The following GPR37 variants were observed in gnomAD, a reference collection of about 807,000 sequenced individuals.
GPR37 encodes the protein G protein-coupled receptor 37.
Under a neutral mutation model 43.6 loss-of-function variants are expected in GPR37, and 20 were observed. The ratio of observed to expected loss-of-function variants is 0.46; its 90% confidence interval spans 0.32 to 0.67. GPR37 has a LOEUF of 0.67. Among genes scored for constraint, GPR37 ranks in the 30% least tolerant of loss-of-function variants. The pLI, the probability that GPR37 is intolerant of heterozygous loss-of-function variation, is 0.03. For synonymous variants in GPR37, 315 were observed against 322.6 expected (o/e 0.98, Z 0.25); for missense variants, 724 against 797.2 (o/e 0.91, Z 1.11).
chr7:124,765,010 C>T lies in GPR37; in HGVS notation c.-34G>A. The T allele has an allele frequency of 7.0e-7, 1 of 1,431,306 alleles. No individual in the cohort carries two copies. Among genetic ancestry groups the T allele is most frequent in the East Asian group, 2.6e-5 (1 of 38,732 alleles). 88.7% of individuals were successfully genotyped at this position (1,431,306 alleles called of 1,614,324 possible). ...GAGGGCACACCCGGCAGCCGCAGCT[C>T]CTGCTTAGTTAGGATCGACACCTGC... On this transcript the variant is annotated 5_prime_UTR_variant, in exon 1 of 2. Transcript: ENST00000303921.
rs146703091 is a variant in GPR37 at position 124,755,309 on chromosome 7, A to G, written c.1024-7966T>C. Reference sequence around the variant, plus strand: ...CTATTCCATTTACATGTGATTCCCAATGCCGTGGGGGAAAAATATTTTGAA... The same window carrying G: ...CTATTCCATTTACATGTGATTCCCAGTGCCGTGGGGGAAAAATATTTTGAA... On this transcript the variant is annotated intron_variant, in intron 1 of 1. Transcript: ENST00000303921. Among the ~76,000 whole-genome samples, 139 of 152,256 alleles carry G rather than the reference A, an allele frequency of 9.1e-4. 1 individual carries two copies. The highest frequency in any genetic ancestry group is 3.1e-3 in the African/African-American group (127 of 41,570).
Position 124,765,236 on chromosome 7 carries a change from G to A in GPR37, c.-260C>T, listed in dbSNP as rs1793906942. On this transcript the variant is annotated 5_prime_UTR_variant, in exon 1 of 2. Coordinates refer to ENST00000303921, the MANE Select transcript of GPR37 (RefSeq NM_005302.5). ...CAAGGTATGCCCTCCAAGGTTCCTA[G>A]AGGGAATAGGCTACTCCCGGTGGCT... 2.4e-6 allele frequency: 1 copy of A among 417,012 alleles called. No homozygotes were observed. Among genetic ancestry groups the A allele is most frequent in the South Asian group, 7.8e-5 (1 of 12,892 alleles). The allele number at this position is 417,012 out of a possible 1,614,324, so 25.8% of individuals were successfully genotyped here.
In GPR37 at chr7:124,745,423, TGGA is replaced by T. The variant is rs1793659721; in HGVS notation, c.*1099_*1101del. On this transcript the variant is annotated 3_prime_UTR_variant, in exon 2 of 2. Transcript: ENST00000303921. Reference sequence around the variant, plus strand: ...AAAGAGGGGATTCAAATATTCCCAATGGAGGAGGTTAGGTTTTTTTATTCAGAG... The same window carrying T: ...AAAGAGGGGATTCAAATATTCCCAATGGAGGTTAGGTTTTTTTATTCAGAG... Among the ~76,000 whole-genome samples the T allele has an allele frequency of 6.6e-6, 1 of 152,156 alleles. No homozygotes were observed. Among genetic ancestry groups the T allele is most frequent in the Non-Finnish European group, 1.5e-5 (1 of 68,024 alleles).
Position 124,765,089 on chromosome 7 carries a change from G to T in GPR37, c.-113C>A. 1 of 999,102 alleles carries T rather than the reference G, an allele frequency of 1.0e-6. No individual in the cohort carries two copies. Among genetic ancestry groups the T allele is most frequent in the South Asian group, 1.9e-5 (1 of 51,296 alleles). 61.9% of individuals were successfully genotyped at this position (999,102 alleles called of 1,614,324 possible). On this transcript the variant is annotated 5_prime_UTR_variant, in exon 1 of 2. Transcript: ENST00000303921. ...CATGTCACATACTCACCCCCGCCCG[G>T]GTAGCGGGGAACCGGAGATTAGGGT...
At position 124,763,998 on chromosome 7, in the gene GPR37, ACTT is replaced by A; in HGVS notation, c.976_978del (p.Lys326del). ...TTGCAGGAGAAGTCCTCCAGCAGCC[ACTT>A]CTTGGTCAGCTCGTGGAAGATGACC... On this transcript the variant is annotated inframe_deletion, in exon 1 of 2. Coordinates refer to ENST00000303921, the MANE Select transcript of GPR37 (RefSeq NM_005302.5). 6.2e-7 allele frequency: 1 copy of A among 1,614,136 alleles called. No individual in the cohort carries two copies. The highest frequency in any genetic ancestry group is 8.5e-7 in the Non-Finnish European group (1 of 1,180,028).
chr7:124,754,193 G>T (rs2116317329), intron 1 of GPR37, among the ~76,000 whole-genome samples: 1 of 152,158 alleles, frequency 6.6e-6, no homozygotes, highest in South Asian at 2.1e-4. Flanking sequence ...CTAATTTAAA[G>T]CAACTATCAG....
In GPR37 at chr7:124,765,210, G is replaced by T; in HGVS notation, c.-234C>A. The T allele has an allele frequency of 2.2e-6, 1 of 450,510 alleles. No homozygotes were observed. 27.9% of individuals were successfully genotyped at this position (450,510 alleles called of 1,614,324 possible). On this transcript the variant is annotated 5_prime_UTR_variant, in exon 1 of 2. In the 5' UTR this introduces an upstream ATG that the reference lacks. Transcript: ENST00000303921. ...CATTTCTCAGCCAAGTTGAGTCCCA[G>T]CAAGGTATGCCCTCCAAGGTTCCTA... is the stretch of plus-strand genomic sequence containing the variant.
intron 1 of GPR37, among the ~76,000 whole-genome samples, chr7:124,753,231 G>GGGC (rs1291471310): frequency 1.3e-5 from 2 of 151,836 alleles, no homozygotes; most frequent in Admixed American, 6.6e-5. Flanking sequence ...TGAATACTAA[G>GGGC]GGCTTAAAAC....
intron 1 of GPR37, among the ~76,000 whole-genome samples, chr7:124,762,453 T>A (rs917449194): frequency 2.0e-5 from 3 of 150,964 alleles, no homozygotes; most frequent in Admixed American, 1.3e-4. Context: ...TACTTTTGTC[T>A]CTTTCTTGCA....
chr7:124,756,343 T>C (rs928519075), intron 1 of GPR37, among the ~76,000 whole-genome samples: 1 of 152,170 alleles, frequency 6.6e-6, no homozygotes, highest in Admixed American at 6.5e-5. Context: ...CATTAATGAA[T>C]GCTATGAACT....
Position 124,765,074 on chromosome 7 carries a change from A to C in GPR37, c.-98T>G. On this transcript the variant is annotated 5_prime_UTR_variant, in exon 1 of 2. Coordinates refer to ENST00000303921, the MANE Select transcript of GPR37 (RefSeq NM_005302.5). ...GCTGAGAGTTAGGCACATGTCACAT[A>C]CTCACCCCCGCCCGGGTAGCGGGGA... 1 of 1,147,014 alleles carries C rather than the reference A, an allele frequency of 8.7e-7. No homozygotes were observed. Among genetic ancestry groups the C allele is most frequent in the South Asian group, 1.8e-5 (1 of 55,614 alleles). The allele number at this position is 1,147,014 out of a possible 1,614,324, so 71.1% of individuals were successfully genotyped here. A position where few individuals can be genotyped will look rare whatever the true frequency, so the allele number is the denominator to read the frequency against.
intron 1 of GPR37, among the ~76,000 whole-genome samples, chr7:124,758,528 C>T (rs1263323858): frequency 6.6e-6 from 1 of 152,154 alleles, no homozygotes; most frequent in East Asian, 1.9e-4. Context: ...TGAATACAGG[C>T]GTTCTAGGGA....
In GPR37 at chr7:124,765,084, G is replaced by C. The variant is rs1340164203; in HGVS notation, c.-108C>G. 9.4e-7 allele frequency: 1 copy of C among 1,063,124 alleles called. No individual in the cohort carries two copies. The highest frequency in any genetic ancestry group is 1.7e-5 in the African/African-American group (1 of 60,406). 65.9% of individuals were successfully genotyped at this position (1,063,124 alleles called of 1,614,324 possible). ...AGGCACATGTCACATACTCACCCCCGCCCGGGTAGCGGGGAACCGGAGATT... is the reference window on the plus strand; with the variant it reads ...AGGCACATGTCACATACTCACCCCCCCCCGGGTAGCGGGGAACCGGAGATT... On this transcript the variant is annotated 5_prime_UTR_variant, in exon 1 of 2. Coordinates refer to ENST00000303921, the MANE Select transcript of GPR37 (RefSeq NM_005302.5).
At chr7:124,755,922 G>A (rs1363572493) in intron 1 of GPR37, among the ~76,000 whole-genome samples, 1 of 152,048 alleles carries the variant, frequency 6.6e-6, no homozygotes, top group Admixed American at 6.6e-5. Context: ...TAATGATATT[G>A]ATTTGCATGA....
At chr7:124,756,865 T>C (rs1793797187) in intron 1 of GPR37, among the ~76,000 whole-genome samples, 1 of 152,106 alleles carries the variant, frequency 6.6e-6, no homozygotes, top group Non-Finnish European at 1.5e-5. Flanking sequence ...GTGTAAAAAT[T>C]GTATCAAGGT....
Position 124,744,868 on chromosome 7 carries a change from A to G in GPR37, c.*1657T>C, listed in dbSNP as rs1793653262. ...GTGACTAAATATCAGGAGAGACACT[A>G]TGGAATCACAGTTGCTGTTCTGCTC... On this transcript the variant is annotated 3_prime_UTR_variant, in exon 2 of 2. Coordinates refer to ENST00000303921, the MANE Select transcript of GPR37 (RefSeq NM_005302.5). 6.6e-6 allele frequency: 1 copy of G among 152,174 alleles called. No individual in the cohort carries two copies. The highest frequency in any genetic ancestry group is 2.4e-5 in the African/African-American group (1 of 41,430). 9.4% of individuals were successfully genotyped at this position (152,174 alleles called of 1,614,324 possible).
intron 1 of GPR37, among the ~76,000 whole-genome samples, chr7:124,751,182 A>G (rs1475500362): frequency 6.6e-6 from 1 of 152,062 alleles, no homozygotes; most frequent in Non-Finnish European, 1.5e-5. Flanking sequence ...AGCAACAGAG[A>G]AAGTTGCTGA....
intron 1 of GPR37, among the ~76,000 whole-genome samples, chr7:124,751,359 T>A (rs1308894530): frequency 6.6e-6 from 1 of 152,132 alleles, no homozygotes; most frequent in African/African-American, 2.4e-5. Flanking sequence ...ACTTACGCAC[T>A]ACATTTTATG....
chr7:124,746,697 C>A lies in GPR37; in HGVS notation c.1670G>T (p.Ser557Ile). ...GCAGCAGCACTCCATGAAGGCCCGA[C>A]TGAAGGGTTTGCAGAGACAGAAAAG... ...VLLFCLCKPF[S>I]RAFMECCCCC... The change falls in exon 2 of 2, where the codon AGT becomes ATT. Residue 557 changes from serine (S) to isoleucine (I), a missense_variant. Physicochemically the swap from Ser to Ile is moderately radical, Grantham distance 142. Coordinates refer to ENST00000303921, the MANE Select transcript of GPR37 (RefSeq NM_005302.5). 1 of 1,613,980 alleles carries A rather than the reference C, an allele frequency of 6.2e-7. No individual in the cohort carries two copies.
Sources: allele counts gnomAD v4.1 joint callset (sites outside exome capture counted in the v4.1 genomes callset), GRCh38; gene constraint gnomAD v4.1.1; transcripts MANE v1.5; gene names NCBI Gene and HGNC (gene_info 2026-07-23, HGNC 2026-07-21).